The following ZBTB11 variants were observed in gnomAD, a reference collection of about 807,000 sequenced individuals.
ZBTB11 encodes the protein zinc finger and BTB domain-containing protein 11.
Under a neutral mutation model 113.1 loss-of-function variants are expected in ZBTB11, and 68 were observed. The ratio of observed to expected loss-of-function variants is 0.60; its 90% CI spans 0.49 to 0.74. The LOEUF is 0.74. ZBTB11 is among the 30% of genes least tolerant of loss of function. The pLI is 0.00. For synonymous variants in ZBTB11, 518 were observed against 452.6 expected (o/e 1.14, Z -1.83); for missense variants, 1,104 against 1,279.4 (o/e 0.86, Z 2.09).
chr3:101,661,934 T>C (rs919603157), intron 5 of ZBTB11: 2 of 152,084 alleles, frequency 1.3e-5, no homozygotes, highest in African/African-American at 4.8e-5. Context: ...TTCTGGGAGA[T>C]TTCATTAGTT....
intron 1 of ZBTB11, 148 bp from the exon 2 acceptor site, chr3:101,672,361 T>G: frequency 3.4e-6 from 2 of 580,418 alleles, no homozygotes; most frequent in East Asian, 6.1e-5. Flanking sequence ...GAATGTAAAA[T>G]ATACTTTTTT....
chr3:101,672,355 G>T, intron 1 of ZBTB11, 142 bp from the exon 2 acceptor site: 1 of 577,848 alleles, frequency 1.7e-6, no homozygotes. Context: ...TTATTAGAAT[G>T]TAAAATATAC....
intron 8 of ZBTB11, 63 bp from the exon 9 acceptor site, chr3:101,653,001 C>T: frequency 6.6e-7 from 1 of 1,513,744 alleles, no homozygotes; most frequent in Non-Finnish European, 8.8e-7. Flanking sequence ...TTTCCAAGAA[C>T]TCAGTAACTA....
rs1452602541 is a variant in ZBTB11 at position 101,665,443 on chromosome 3, G to A, written c.1144C>T (p.Arg382Ter). The change falls in exon 4 of 11, where the codon CGA (arginine) becomes TGA (stop). Residue 382 changes from arginine to a stop codon, truncating the protein, a stop_gained. Transcript: ENST00000312938. LOFTEE classifies it high-confidence loss of function. ...GAAGAAACCTGGGGCTCAGGCTGTCGTCCTACCTCTCCATTCTGCTCAGCT... is the reference window on the plus strand; with the variant it reads ...GAAGAAACCTGGGGCTCAGGCTGTCATCCTACCTCTCCATTCTGCTCAGCT... ...PEAEQNGEVG[R>*]QPEPQVSSEA... 5.6e-6 allele frequency: 9 copies of A among 1,613,992 alleles called. No individual in the cohort carries two copies. The highest frequency in any genetic ancestry group is 2.2e-5 in the East Asian group (1 of 44,898).
rs1323872641 is a variant in ZBTB11 at position 101,650,398 on chromosome 3, A to G, written c.*768T>C. The G allele has an allele frequency of 1.3e-5, 2 of 152,642 alleles. No homozygotes were observed. Among genetic ancestry groups the G allele is most frequent in the African/African-American group, 4.8e-5 (2 of 41,454 alleles). 9.5% of individuals were successfully genotyped at this position (152,642 alleles called of 1,614,324 possible). On this transcript the variant is annotated 3_prime_UTR_variant, in exon 11 of 11. Coordinates refer to ENST00000312938, the MANE Select transcript of ZBTB11 (RefSeq NM_014415.4). ...GAGAATTTTCCTGTCAACAGTGTTT[A>G]ATAACTGTGTTCTTTTCTCATGGTC...
intron 7 of ZBTB11, among the ~76,000 whole-genome samples, chr3:101,655,265 TAACAATA>T (rs1240914103): frequency 1.3e-5 from 2 of 152,200 alleles, no homozygotes; most frequent in African/African-American, 2.4e-5. Flanking sequence ...CATCTAAGAT[TAACAATA>T]ACCCATGTCA....
chr3:101,666,096 T>C (rs80232218), intron 3 of ZBTB11, among the ~76,000 whole-genome samples: 1 of 152,158 alleles, frequency 6.6e-6, no homozygotes, highest in Non-Finnish European at 1.5e-5. Context: ...TGGGGATTCC[T>C]CAAATTCCCC....
intron 3 of ZBTB11, among the ~76,000 whole-genome samples, chr3:101,668,872 T>C (rs1937038906): frequency 1.3e-5 from 2 of 151,998 alleles, no homozygotes; most frequent in South Asian, 4.1e-4. Flanking sequence ...GGAAAAATCA[T>C]TAAGAGGGCA....
At chr3:101,653,042 T>G (rs1339745972) in intron 8 of ZBTB11, 104 bp from the exon 9 acceptor site, 1 of 1,240,682 alleles carries the variant, frequency 8.1e-7, no homozygotes, top group African/African-American at 1.5e-5. Context: ...CAAAAGATGA[T>G]CTCAACTTAA....
At chr3:101,672,762 T>C (rs1020863703) in intron 1 of ZBTB11, among the ~76,000 whole-genome samples, 1 of 152,230 alleles carries the variant, frequency 6.6e-6, no homozygotes, top group African/African-American at 2.4e-5. Flanking sequence ...CTCAAGCTAA[T>C]ACTTCTCCAC....
chr3:101,668,694 G>C (rs959939927), intron 3 of ZBTB11, among the ~76,000 whole-genome samples: 13 of 151,452 alleles, frequency 8.6e-5, no homozygotes, highest in Non-Finnish European at 1.5e-4. Context: ...TGAGGTGATA[G>C]GTATATCCTA....
intron 1 of ZBTB11, 69 bp downstream of exon 1, chr3:101,676,536 G>A (rs1462565098): frequency 5.0e-6 from 7 of 1,408,762 alleles, no homozygotes; most frequent in Admixed American, 3.3e-5. Flanking sequence ...GTACGCATAG[G>A]CCTCGCCAGC....
At chr3:101,673,497 G>T (rs1937113991) in intron 1 of ZBTB11, among the ~76,000 whole-genome samples, 1 of 151,108 alleles carries the variant, frequency 6.6e-6, no homozygotes. Context: ...TTAAAATGTC[G>T]AATTATACAA....
chr3:101,676,349 C>A (rs969494435), intron 1 of ZBTB11: 1 of 370,654 alleles, frequency 2.7e-6, no homozygotes, highest in Non-Finnish European at 4.8e-6. Context: ...CCCCTCCCCG[C>A]GGCTGGCCCG....
chr3:101,669,039 T>C (rs968497179), intron 3 of ZBTB11, among the ~76,000 whole-genome samples: 16 of 152,024 alleles, frequency 1.1e-4, no homozygotes, highest in Non-Finnish European at 1.9e-4. Flanking sequence ...GATAAAATTT[T>C]TTTTTGTGGC....
chr3:101,669,137 ATCC>A (rs537239025), intron 3 of ZBTB11, among the ~76,000 whole-genome samples: 274 of 152,180 alleles, frequency 1.8e-3, no homozygotes, highest in Middle Eastern at 3.4e-3. Flanking sequence ...GGATCAAGTG[ATCC>A]TCCTACCTCA....
At position 101,677,014 on chromosome 3, in the gene ZBTB11, G is replaced by A. The variant is rs1937188841; in HGVS notation, c.-100C>T. 7.5e-7 allele frequency: 1 copy of A among 1,333,912 alleles called. No homozygotes were observed. The highest frequency in any genetic ancestry group is 1.5e-5 in the South Asian group (1 of 67,040). 82.6% of individuals were successfully genotyped at this position (1,333,912 alleles called of 1,614,324 possible). On this transcript the variant is annotated 5_prime_UTR_variant, in exon 1 of 11. Coordinates refer to ENST00000312938, the MANE Select transcript of ZBTB11 (RefSeq NM_014415.4). ...AGGAGGAGCGGCGGCACCGTAGGGA[G>A]AAACGGCTGCGCCTTTGGCGAGCGC...
intron 5 of ZBTB11, among the ~76,000 whole-genome samples, chr3:101,662,930 A>G (rs1413007962): frequency 6.7e-6 from 1 of 149,720 alleles, no homozygotes; most frequent in East Asian, 1.9e-4. Flanking sequence ...TGCCCAGATA[A>G]TTTTTGTATT....
chr3:101,663,363 C>T (rs569799078), intron 5 of ZBTB11, among the ~76,000 whole-genome samples: 6 of 152,288 alleles, frequency 3.9e-5, no homozygotes, highest in Admixed American at 1.3e-4. Context: ...TGAGCCACTG[C>T]GCCCAGCCAA....
Sources: allele counts gnomAD v4.1 joint callset (sites outside exome capture counted in the v4.1 genomes callset), GRCh38; gene constraint gnomAD v4.1.1; transcripts MANE v1.5; gene names NCBI Gene and HGNC (gene_info 2026-07-23, HGNC 2026-07-21).